The following ADGRA3 variants were observed in gnomAD, a reference collection of about 807,000 sequenced individuals.
ADGRA3 encodes G-protein coupled receptor 125.
Under a neutral mutation model 119.8 loss-of-function variants are expected in ADGRA3, and 56 were observed. That is an observed-to-expected ratio of 0.47 (90% CI 0.38 to 0.58). The LOEUF (loss-of-function observed/expected upper bound fraction) is 0.58. ADGRA3 is among the 20% of genes least tolerant of loss of function. The pLI, the probability that ADGRA3 is intolerant of heterozygous loss-of-function variation, is 0.00. For synonymous variants in ADGRA3, 607 were observed against 623.8 expected (o/e 0.97, Z 0.40); for missense variants, 1,516 against 1,649.0 (o/e 0.92, Z 1.40).
chr4:22,514,545 A>C (rs1719570411), intron 1 of ADGRA3: 2 of 152,222 alleles, frequency 1.3e-5, no homozygotes, highest in African/African-American at 4.8e-5. Flanking sequence ...CGGTCCTTGC[A>C]TTCATGTTTG....
intron 1 of ADGRA3, among the ~76,000 whole-genome samples, chr4:22,512,885 C>CCTA (rs1719496637): frequency 7.0e-6 from 1 of 143,244 alleles, no homozygotes; most frequent in Non-Finnish European, 1.5e-5. Context: ...CAACACGCTA[C>CCTA]CTACTACCTA....
intron 1 of ADGRA3, among the ~76,000 whole-genome samples, chr4:22,509,597 C>T (rs1560353753): frequency 6.6e-6 from 1 of 152,096 alleles, no homozygotes; most frequent in Non-Finnish European, 1.5e-5. Context: ...AACTACTCCT[C>T]TGATGCTAGG....
chr4:22,506,789 A>C (rs1719255029), intron 1 of ADGRA3, among the ~76,000 whole-genome samples: 1 of 152,162 alleles, frequency 6.6e-6, no homozygotes, highest in South Asian at 2.1e-4. Flanking sequence ...TACTTTTGTA[A>C]AGCTCCCTCT....
At chr4:22,405,184 C>T (rs938726389) in intron 14 of ADGRA3, among the ~76,000 whole-genome samples, 1 of 152,076 alleles carries the variant, frequency 6.6e-6, no homozygotes, top group East Asian at 1.9e-4. Flanking sequence ...ATAAAACATT[C>T]GACTAAAAGC....
In ADGRA3 at chr4:22,390,356, ATATAATACGTAT is replaced by A. The variant is rs1452027734; in HGVS notation, c.2628-1185_2628-1174del. 1.5e-3 allele frequency among the ~76,000 whole-genome samples: 135 copies of A among 90,792 alleles called. 5 individuals carry two copies. The highest frequency in any genetic ancestry group is 4.5e-3 in the African/African-American group (127 of 28,098). The allele number at this position is 90,792 out of a possible 152,430, so 59.6% of individuals were successfully genotyped here. ...TATATATAAAATACATATTATATATATATAATACGTATTATATATATATAATACGTATTATAT... is the reference window on the plus strand; with the variant it reads ...TATATATAAAATACATATTATATATATATATATATATAATACGTATTATAT... On this transcript the variant is annotated intron_variant, in intron 17 of 18. Coordinates refer to ENST00000334304, the MANE Select transcript of ADGRA3 (RefSeq NM_145290.4).
chr4:22,485,034 G>A (rs139765085), intron 1 of ADGRA3, among the ~76,000 whole-genome samples: 9 of 152,180 alleles, frequency 5.9e-5, no homozygotes, highest in African/African-American at 2.2e-4. Context: ...ATTTTCTTAA[G>A]TCCTTGGTTG....
chr4:22,388,982 CAT>C, intron 18 of ADGRA3, 35 bp from the exon 19 acceptor site: 1 of 1,605,786 alleles, frequency 6.2e-7, no homozygotes, highest in East Asian at 2.2e-5. Context: ...ATCGATGCTA[CAT>C]GTTTCAACAA....
chr4:22,461,710 T>G (rs1717462730), intron 3 of ADGRA3, 27 bp downstream of exon 3: 19 of 1,502,364 alleles, frequency 1.3e-5, no homozygotes, highest in Non-Finnish European at 1.7e-5. Context: ...CAATTCAAAC[T>G]CGTAAGCAAG....
chr4:22,443,813 C>T (rs1278148242), intron 6 of ADGRA3, among the ~76,000 whole-genome samples: 1 of 152,116 alleles, frequency 6.6e-6, no homozygotes, highest in Non-Finnish European at 1.5e-5. Flanking sequence ...TGAACATAAA[C>T]ATGGTCTTTG....
intron 2 of ADGRA3, among the ~76,000 whole-genome samples, chr4:22,465,271 C>T (rs1355628700): frequency 6.6e-6 from 1 of 152,028 alleles, no homozygotes; most frequent in Non-Finnish European, 1.5e-5. Context: ...ACAGGTAGTA[C>T]CCCCAAATTT....
chr4:22,515,341 C>T (rs1056419022), intron 1 of ADGRA3, 187 bp downstream of exon 1: 5 of 571,154 alleles, frequency 8.8e-6, no homozygotes, highest in Non-Finnish European at 5.3e-6. Flanking sequence ...GCAGCTCGGA[C>T]GCAGATTCCC....
rs556138778 is a variant in ADGRA3, at chr4:22,494,269, T to A, written c.258-20426A>T. Among the ~76,000 whole-genome samples, 169 of 151,356 alleles carry A rather than the reference T, an allele frequency of 1.1e-3. 2 individuals are homozygous for A. Among genetic ancestry groups the A allele is most frequent in the Non-Finnish European group, 1.8e-3 (125 of 67,944 alleles). On this transcript the variant is annotated intron_variant, in intron 1 of 18. Transcript: ENST00000334304. ...CAATGCTACACTCCCACCAGCGCCA[T>A]GACAGTTTACAGATGCCATGGCAAC...
intron 1 of ADGRA3, among the ~76,000 whole-genome samples, chr4:22,508,863 C>T (rs1306114008): frequency 6.6e-6 from 1 of 152,194 alleles, no homozygotes; most frequent in African/African-American, 2.4e-5. Context: ...CATTTCTCTT[C>T]TCTTTCCCCT....
chr4:22,416,759 T>C (rs912671033), intron 12 of ADGRA3, among the ~76,000 whole-genome samples: 3 of 152,042 alleles, frequency 2.0e-5, no homozygotes, highest in Non-Finnish European at 4.4e-5. Context: ...ATTGATGAAA[T>C]ATGAACACAC....
At chr4:22,402,009 C>T (rs1338531734) in intron 15 of ADGRA3, among the ~76,000 whole-genome samples, 1 of 152,064 alleles carries the variant, frequency 6.6e-6, no homozygotes, top group South Asian at 2.1e-4. Context: ...ATGTTGAAGT[C>T]TTTCTTTTTA....
chr4:22,509,827 G>T (rs552714206), intron 1 of ADGRA3, among the ~76,000 whole-genome samples: 1 of 151,752 alleles, frequency 6.6e-6, no homozygotes, highest in Non-Finnish European at 1.5e-5. Flanking sequence ...TGGCTAACAC[G>T]GTGAAACCCC....
intron 6 of ADGRA3, 48 bp downstream of exon 6, chr4:22,444,925 C>G (rs1192733331): frequency 6.3e-7 from 1 of 1,587,776 alleles, no homozygotes; most frequent in African/African-American, 1.3e-5. Flanking sequence ...AACATGGTAG[C>G]AAGTCAAAAT....
intron 1 of ADGRA3, among the ~76,000 whole-genome samples, chr4:22,507,902 G>C (rs16872758): frequency 0.11 from 16,753 of 152,154 alleles, 1,062 homozygotes; most frequent in East Asian, 0.24. Flanking sequence ...CCTTGAATCA[G>C]GGATCCCACA....
At chr4:22,421,184 G>C in intron 11 of ADGRA3, 95 bp from the exon 12 acceptor site, 2 of 925,778 alleles carry the variant, frequency 2.2e-6, no homozygotes, top group Non-Finnish European at 3.3e-6. Context: ...CTATGCATTA[G>C]CCAAACCAGA....
Sources: allele counts gnomAD v4.1 joint callset (sites outside exome capture counted in the v4.1 genomes callset), GRCh38; gene constraint gnomAD v4.1.1; transcripts MANE v1.5; gene names NCBI Gene and HGNC (gene_info 2026-07-23, HGNC 2026-07-21).